The following TAFA5 variants were observed in gnomAD, a reference collection of about 807,000 sequenced individuals.
TAFA5 encodes the protein chemokine-like protein TAFA-5.
Under a neutral mutation model 15.3 loss-of-function variants are expected in TAFA5, and 6 were observed. The ratio of observed to expected loss-of-function variants is 0.39; its 90% CI spans 0.21 to 0.77. The LOEUF is 0.77. TAFA5 is among the 30% of genes least tolerant of loss of function. TAFA5 has a pLI of 0.41. For missense variants in TAFA5, 161 were observed against 193.1 expected (o/e 0.83, Z 0.98); for synonymous variants, 103 against 80.7 (o/e 1.28, Z -1.48).
intron 2 of TAFA5, among the ~76,000 whole-genome samples, chr22:48,678,373 A>C (rs1011108543): frequency 2.0e-5 from 3 of 152,204 alleles, no homozygotes; most frequent in African/African-American, 7.2e-5. Context: ...AACTGACCCT[A>C]TGCGGGGCAA....
At chr22:48,662,183 G>A (rs1315452642) in intron 2 of TAFA5, among the ~76,000 whole-genome samples, 2 of 152,154 alleles carry the variant, frequency 1.3e-5, no homozygotes, top group Non-Finnish European at 2.9e-5. Flanking sequence ...CCTGGTGCCT[G>A]TGGGGACAGC....
At chr22:48,608,941 G>A (rs1925298209) in intron 1 of TAFA5, among the ~76,000 whole-genome samples, 1 of 152,238 alleles carries the variant, frequency 6.6e-6, no homozygotes, top group Non-Finnish European at 1.5e-5. Flanking sequence ...AGTATCTGAT[G>A]GACCGTCAAC....
At chr22:48,635,098 C>T (rs567739368) in intron 1 of TAFA5, among the ~76,000 whole-genome samples, 21 of 152,312 alleles carry the variant, frequency 1.4e-4, no homozygotes, top group African/African-American at 5.1e-4. Context: ...GGCCTGGGGA[C>T]GGAGAACGCA....
At chr22:48,648,712 C>T (rs1356175798) in intron 2 of TAFA5, among the ~76,000 whole-genome samples, 1 of 152,144 alleles carries the variant, frequency 6.6e-6, no homozygotes, top group African/African-American at 2.4e-5. Flanking sequence ...GTGGTGTGCA[C>T]CAGCTACTCG....
intron 1 of TAFA5, among the ~76,000 whole-genome samples, chr22:48,503,839 G>A (rs975807394): frequency 6.6e-5 from 10 of 152,290 alleles, no homozygotes; most frequent in African/African-American, 1.7e-4. Flanking sequence ...CTCCTCAGAC[G>A]TCAGGTGGCT....
intron 1 of TAFA5, among the ~76,000 whole-genome samples, chr22:48,646,221 A>G (rs564629482): frequency 6.6e-6 from 1 of 152,320 alleles, no homozygotes; most frequent in South Asian, 2.1e-4. Flanking sequence ...TGCCTCGTAC[A>G]GCCCGGCTTC....
At chr22:48,534,592 C>T (rs900322207) in intron 1 of TAFA5, among the ~76,000 whole-genome samples, 15 of 152,266 alleles carry the variant, frequency 9.9e-5, no homozygotes, top group African/African-American at 1.4e-4. Context: ...TGCCTGTGCC[C>T]GGAGCCAAGC....
At chr22:48,549,797 G>A (rs943514204) in intron 1 of TAFA5, among the ~76,000 whole-genome samples, 7 of 152,184 alleles carry the variant, frequency 4.6e-5, no homozygotes, top group Non-Finnish European at 1.0e-4. Context: ...TGCACATTGA[G>A]GACAAGCACG....
At chr22:48,639,007 C>T (rs903509694) in intron 1 of TAFA5, among the ~76,000 whole-genome samples, 8 of 152,104 alleles carry the variant, frequency 5.3e-5, no homozygotes, top group Non-Finnish European at 5.9e-5. Flanking sequence ...TGGGACACCG[C>T]ACACAGGCGG....
intron 1 of TAFA5, among the ~76,000 whole-genome samples, chr22:48,533,169 G>A (rs561459392): frequency 6.6e-6 from 1 of 152,298 alleles, no homozygotes; most frequent in African/African-American, 2.4e-5. Flanking sequence ...AGTGGCCGGG[G>A]TCTGAGGAGG....
At chr22:48,623,692 C>G (rs774515716) in intron 1 of TAFA5, among the ~76,000 whole-genome samples, 7 of 152,258 alleles carry the variant, frequency 4.6e-5, no homozygotes, top group Non-Finnish European at 8.8e-5. Context: ...TTAACCGCAT[C>G]AGAGCCTGGC....
At chr22:48,633,136 G>A (rs188018286) in intron 1 of TAFA5, among the ~76,000 whole-genome samples, 126 of 152,274 alleles carry the variant, frequency 8.3e-4, no homozygotes, top group African/African-American at 3.0e-3. Context: ...GAGCCAGGCC[G>A]CCCCCACTGG....
intron 2 of TAFA5, among the ~76,000 whole-genome samples, chr22:48,688,336 G>A (rs1360516778): frequency 1.3e-5 from 2 of 152,202 alleles, no homozygotes; most frequent in Non-Finnish European, 2.9e-5. Flanking sequence ...CTGTCTAGAA[G>A]TTGTAGAAAG....
At chr22:48,691,156 C>A (rs1244057209) in intron 2 of TAFA5, among the ~76,000 whole-genome samples, 1 of 152,082 alleles carries the variant, frequency 6.6e-6, no homozygotes, top group East Asian at 1.9e-4. Flanking sequence ...GGCCCGGGGA[C>A]CATTGGTGGT....
intron 1 of TAFA5, among the ~76,000 whole-genome samples, chr22:48,616,949 G>A (rs566927312): frequency 2.6e-4 from 39 of 152,188 alleles, no homozygotes; most frequent in African/African-American, 8.0e-4. Context: ...ATCTGGATCT[G>A]GGCTTCATCC....
rs1930464104 is a variant in TAFA5, at chr22:48,750,708, G to T, written c.*861G>T. The T allele has an allele frequency of 6.5e-6, 1 of 153,058 alleles. No individual in the cohort carries two copies. The highest frequency in any genetic ancestry group is 2.1e-4 in the South Asian group (1 of 4,834). 9.5% of individuals were successfully genotyped at this position (153,058 alleles called of 1,614,324 possible). A position where few individuals can be genotyped will look rare whatever the true frequency, so the allele number is the denominator to read the frequency against. Reference sequence around the variant, plus strand: ...ATAATCCAGTATCTGCCAAGAGCATGTTGGGTCTCCCGTGACTGCTGCCTC... The same window carrying T: ...ATAATCCAGTATCTGCCAAGAGCATTTTGGGTCTCCCGTGACTGCTGCCTC... On this transcript the variant is annotated 3_prime_UTR_variant, in exon 4 of 4. Coordinates refer to ENST00000402357, the MANE Select transcript of TAFA5 (RefSeq NM_001082967.3).
chr22:48,505,349 A>G (rs889850878), intron 1 of TAFA5, among the ~76,000 whole-genome samples: 1 of 152,134 alleles, frequency 6.6e-6, no homozygotes, highest in African/African-American at 2.4e-5. Flanking sequence ...CATCTACACA[A>G]AAGTCCATGG....
chr22:48,542,677 T>TTGTGTGGTGTA lies in TAFA5; in HGVS notation c.112+52984_112+52994dup, dbSNP rs1922497220. Among the ~76,000 whole-genome samples the TTGTGTGGTGTA allele has an allele frequency of 7.4e-5, 3 of 40,714 alleles. No homozygotes were observed. In the Admixed American group the frequency reaches 9.1e-4, roughly 12 times the overall value. The allele number at this position is 40,714 out of a possible 152,430, so 26.7% of individuals were successfully genotyped here. A position where few individuals can be genotyped will look rare whatever the true frequency, so the allele number is the denominator to read the frequency against. ...TGTGTGTGTGGTGTGTGTGTGATGT[T>TTGTGTGGTGTA]TGTGTGGTGTATGTGTGGTGTGTGT... On this transcript the variant is annotated intron_variant, in intron 1 of 3. Transcript: ENST00000402357.
intron 1 of TAFA5, among the ~76,000 whole-genome samples, chr22:48,631,672 G>C (rs953095522): frequency 6.6e-6 from 1 of 152,242 alleles, no homozygotes; most frequent in Non-Finnish European, 1.5e-5. Context: ...GCTGGGAGCA[G>C]GTAATTAGTT....
Sources: gnomAD v4.1 joint callset for allele counts (sites outside exome capture counted in the v4.1 genomes callset) on GRCh38, gnomAD v4.1.1 for gene constraint, MANE v1.5 for transcripts, NCBI Gene and HGNC (gene_info 2026-07-23, HGNC 2026-07-21) for gene names.